The following IKZF2 variants were observed in gnomAD, a reference collection of about 807,000 sequenced individuals.
IKZF2 encodes zinc finger protein Helios.
A neutral mutation model predicts 49.2 loss-of-function variants in IKZF2; 15 were observed. That is an observed-to-expected ratio of 0.30 (90% CI 0.20 to 0.47). The LOEUF (loss-of-function observed/expected upper bound fraction) is 0.47, where lower values mean the gene tolerates loss of function less well. IKZF2 is among the 20% of genes least tolerant of loss of function. IKZF2 has a pLI of 1.00. For synonymous variants in IKZF2, 227 were observed against 221.4 expected (o/e 1.03, Z -0.23); for missense variants, 567 against 664.6 (o/e 0.85, Z 1.61).
intron 4 of IKZF2, among the ~76,000 whole-genome samples, chr2:213,057,951 G>C (rs1300562543): frequency 6.6e-6 from 1 of 152,098 alleles, no homozygotes; most frequent in Non-Finnish European, 1.5e-5. Context: ...CTTCATTCTG[G>C]ATTGCTGACA....
chr2:213,120,382 C>T (rs925136088), intron 4 of IKZF2, among the ~76,000 whole-genome samples: 1 of 152,082 alleles, frequency 6.6e-6, no homozygotes, highest in Non-Finnish European at 1.5e-5. Flanking sequence ...AGAAAAAGTA[C>T]AGAAATCCAA....
At chr2:213,051,493 T>C (rs1700669184) in intron 5 of IKZF2, among the ~76,000 whole-genome samples, 1 of 151,980 alleles carries the variant, frequency 6.6e-6, no homozygotes, top group African/African-American at 2.4e-5. Context: ...TGGTATCTTC[T>C]TAGTTTGATT....
At position 213,003,191 on chromosome 2, in the gene IKZF2, T is replaced by C. The variant is rs958458942; in HGVS notation, c.*4169A>G. The stretch of plus-strand genomic sequence containing the variant: ...AGCTAACCAACACTCTCAATGCATT[T>C]TAAAAAGGCACCAATATAAAGAACA... On this transcript the variant is annotated 3_prime_UTR_variant, in exon 9 of 9. Coordinates refer to ENST00000434687, the MANE Select transcript of IKZF2 (RefSeq NM_001387220.1). 10 of 152,230 alleles carry C rather than the reference T, an allele frequency of 6.6e-5. No homozygotes were observed. The highest frequency in any genetic ancestry group is 2.4e-4 in the African/African-American group (10 of 41,520). The allele number at this position is 152,230 out of a possible 1,614,324, so 9.4% of individuals were successfully genotyped here. A position where few individuals can be genotyped will look rare whatever the true frequency, so the allele number is the denominator to read the frequency against.
In IKZF2 at chr2:213,070,474, CCAGGATCAGGGAATTCACTGATTTT is replaced by C. The variant is rs754022077; in HGVS notation, c.140-13400_140-13376del. On this transcript the variant is annotated intron_variant, in intron 4 of 8. Transcript: ENST00000434687. Reference sequence around the variant, plus strand: ...ACTTGGGAAGTCACTGGATTGTATTCCAGGATCAGGGAATTCACTGATTTTCAGGATTCCCTCTTGCCATCATCAC... The same window carrying C: ...ACTTGGGAAGTCACTGGATTGTATTCCAGGATTCCCTCTTGCCATCATCAC... 3.8e-3 allele frequency among the ~76,000 whole-genome samples: 580 copies of C among 151,598 alleles called. 1 individual carries two copies. Among genetic ancestry groups the C allele is most frequent in the Non-Finnish European group, 7.3e-3 (494 of 67,990 alleles).
At chr2:213,039,453 GA>G (rs1699396939) in intron 6 of IKZF2, among the ~76,000 whole-genome samples, 1 of 151,940 alleles carries the variant, frequency 6.6e-6, no homozygotes, top group Non-Finnish European at 1.5e-5. Context: ...CCTTTTTATG[GA>G]ACAGAATAGC....
intron 4 of IKZF2, among the ~76,000 whole-genome samples, chr2:213,069,810 G>C (rs1202609112): frequency 6.6e-6 from 1 of 152,040 alleles, no homozygotes; most frequent in East Asian, 1.9e-4. Context: ...GCTGCAACCT[G>C]AACAAAGTTA....
chr2:213,107,213 T>C (rs779909416), intron 4 of IKZF2, among the ~76,000 whole-genome samples: 28 of 151,924 alleles, frequency 1.8e-4, no homozygotes, highest in Non-Finnish European at 3.8e-4. Context: ...ACAAAAAAAA[T>C]AATAGTCCTC....
chr2:213,111,122 A>G (rs2059690864), intron 4 of IKZF2, among the ~76,000 whole-genome samples: 1 of 151,986 alleles, frequency 6.6e-6, no homozygotes, highest in African/African-American at 2.4e-5. Flanking sequence ...AATTTTTATT[A>G]TTTTAAATGA....
rs545306733 is a variant in IKZF2 at position 213,098,492 on chromosome 2, C to A, written c.140-41393G>T. Among the ~76,000 whole-genome samples, 3 of 152,176 alleles carry A rather than the reference C, an allele frequency of 2.0e-5. No individual in the cohort carries two copies. The South Asian group carries it at 6.2e-4, about 32-fold the overall frequency. On this transcript the variant is annotated intron_variant, in intron 4 of 8. Coordinates refer to ENST00000434687, the MANE Select transcript of IKZF2 (RefSeq NM_001387220.1). ...CACCCTTACTAATGCCATAAATGGT[C>A]CTTCCATCACACCATCTTAATTTCA... is the stretch of plus-strand genomic sequence containing the variant.
chr2:213,091,886 G>C (rs948937099), intron 4 of IKZF2, among the ~76,000 whole-genome samples: 2 of 150,548 alleles, frequency 1.3e-5, no homozygotes, highest in African/African-American at 4.9e-5. Context: ...AGTATAAGCT[G>C]TGTGTGTGTG....
intron 4 of IKZF2, among the ~76,000 whole-genome samples, chr2:213,136,765 TACCCTCCGATATCCCAAAGTCAA>T (rs1226551865): frequency 6.6e-6 from 1 of 152,220 alleles, no homozygotes; most frequent in African/African-American, 2.4e-5. Flanking sequence ...ACACCCTGTT[TACCCTCCGATATCCCAAAGTCAA>T]CTATATCAAG....
chr2:213,005,839 A>G lies in IKZF2; in HGVS notation c.*1521T>C, dbSNP rs1385193960. ...ACATAAATGAAATTAAAATCTGCAC[A>G]TGAAATATGGCAACCTATACCATGT... On this transcript the variant is annotated 3_prime_UTR_variant, in exon 9 of 9. Transcript: ENST00000434687. The G allele has an allele frequency of 6.6e-6, 1 of 152,034 alleles. No individual in the cohort carries two copies. Among genetic ancestry groups the G allele is most frequent in the Non-Finnish European group, 1.5e-5 (1 of 67,972 alleles). The allele number at this position is 152,034 out of a possible 1,614,324, so 9.4% of individuals were successfully genotyped here. A position where few individuals can be genotyped will look rare whatever the true frequency, so the allele number is the denominator to read the frequency against.
intron 4 of IKZF2, among the ~76,000 whole-genome samples, chr2:213,109,002 T>C (rs2059618892): frequency 6.6e-6 from 1 of 151,636 alleles, no homozygotes; most frequent in Admixed American, 6.6e-5. Flanking sequence ...ATCTTTTTAA[T>C]GTATGTATTT....
At chr2:213,066,279 AAG>A (rs1184043593) in intron 4 of IKZF2, among the ~76,000 whole-genome samples, 1 of 152,034 alleles carries the variant, frequency 6.6e-6, no homozygotes, top group Non-Finnish European at 1.5e-5. Flanking sequence ...GCTCAACAGA[AAG>A]AGATAAGGAA....
intron 4 of IKZF2, among the ~76,000 whole-genome samples, chr2:213,115,822 C>T (rs2059852244): frequency 6.6e-6 from 1 of 151,970 alleles, no homozygotes; most frequent in African/African-American, 2.4e-5. Context: ...AAAATATTCA[C>T]ATGGTGTAAT....
chr2:213,060,557 C>T (rs1040642350), intron 4 of IKZF2, among the ~76,000 whole-genome samples: 17 of 151,290 alleles, frequency 1.1e-4, no homozygotes, highest in Non-Finnish European at 1.8e-4. Flanking sequence ...ATCACTGTTA[C>T]AATTCTCAAT....
rs138985803 is a variant in IKZF2, at chr2:213,119,932, T to C, written c.139+27776A>G. Reference sequence around the variant, plus strand: ...CTTTAGTGAGATAGTATCTGTTTGTTTGGAGAAAAGAATTTGCTGTTGAAG... The same window carrying C: ...CTTTAGTGAGATAGTATCTGTTTGTCTGGAGAAAAGAATTTGCTGTTGAAG... On this transcript the variant is annotated intron_variant, in intron 4 of 8. Transcript: ENST00000434687. 9.8e-5 allele frequency among the ~76,000 whole-genome samples: 15 copies of C among 152,324 alleles called. No homozygotes were observed. In the East Asian group the frequency reaches 2.3e-3, roughly 23 times the overall value.
At position 213,072,895 on chromosome 2, in the gene IKZF2, G is replaced by A. The variant is rs139170594; in HGVS notation, c.140-15796C>T. 5.7e-3 allele frequency among the ~76,000 whole-genome samples: 871 copies of A among 152,112 alleles called. 11 individuals are homozygous for A. Among genetic ancestry groups the A allele is most frequent in the African/African-American group, 0.02 (841 of 41,526 alleles). On this transcript the variant is annotated intron_variant, in intron 4 of 8. Coordinates refer to ENST00000434687, the MANE Select transcript of IKZF2 (RefSeq NM_001387220.1). ...TTCAGTTAGAGACTGAATTTATGCT[G>A]TTTTATAAATTTTATTCTGCTTAAG...
chr2:213,021,160 C>T (rs991907071), intron 7 of IKZF2, among the ~76,000 whole-genome samples: 1 of 152,018 alleles, frequency 6.6e-6, no homozygotes, highest in African/African-American at 2.4e-5. Flanking sequence ...TTGTGGTGAG[C>T]TGAGATCGTG....
Sources: gnomAD v4.1 joint callset for allele counts (sites outside exome capture counted in the v4.1 genomes callset) on GRCh38, gnomAD v4.1.1 for gene constraint, MANE v1.5 for transcripts, NCBI Gene and HGNC (gene_info 2026-07-23, HGNC 2026-07-21) for gene names.